Variants in FOXR1 observed in about 807,000 individuals in gnomAD.
FOXR1 encodes the protein forkhead box protein R1.
A neutral mutation model predicts 34.5 loss-of-function variants in FOXR1; 25 were observed. The ratio of observed to expected loss-of-function variants is 0.72; its 90% confidence interval spans 0.53 to 1.01. The LOEUF (loss-of-function observed/expected upper bound fraction) is 1.01, where lower values mean the gene tolerates loss of function less well. FOXR1 is among the 50% of genes least tolerant of loss of function. The pLI, the probability that FOXR1 is intolerant of heterozygous loss-of-function variation, is 0.00. For synonymous variants in FOXR1, 153 were observed against 141.6 expected (o/e 1.08, Z -0.57); for missense variants, 373 against 376.2 (o/e 0.99, Z 0.07).
Position 118,980,580 on chromosome 11 carries a change from G to C in FOXR1, c.702G>C (p.Val234=). The C allele has an allele frequency of 6.2e-7, 1 of 1,614,262 alleles. No individual in the cohort carries two copies. Among genetic ancestry groups the C allele is most frequent in the East Asian group, 2.2e-5 (1 of 44,884 alleles). Residue 234 remains valine (V), a synonymous_variant, in exon 5 of 6, where the codon GTG becomes GTC. Coordinates refer to ENST00000317011, the MANE Select transcript of FOXR1 (RefSeq NM_181721.3). ...GTTTTCGAGACAGCTTTGAGAAAGT[G>C]CCTGTCAGCATGCAGGGCGGGGCCA... The part of the protein sequence containing the change: ...NLCFRDSFEK[V]PVSMQGGAST...
intron 1 of FOXR1, 89 bp from the exon 2 acceptor site, chr11:118,978,693 C>T (rs974853517): frequency 3.6e-6 from 5 of 1,399,764 alleles, no homozygotes; most frequent in Non-Finnish European, 3.0e-6. Context: ...CCACAACCTT[C>T]TCCCAGAGAA....
chr11:118,978,217 G>GAA lies in FOXR1; in HGVS notation c.62-554_62-553dup, dbSNP rs34672422. ...TGGGCGACAGAGCGAGACTCCATCTGAAAAAAAAAAAATACAAAAATTAGT... is the reference window on the plus strand; with the variant it reads ...TGGGCGACAGAGCGAGACTCCATCTGAAAAAAAAAAAAAATACAAAAATTAGT... On this transcript the variant is annotated intron_variant, in intron 1 of 5. Transcript: ENST00000317011. Among the ~76,000 whole-genome samples, 37 of 145,658 alleles carry GAA rather than the reference G, an allele frequency of 2.5e-4. 1 individual carries two copies. Among genetic ancestry groups the GAA allele is most frequent in the Admixed American group, 5.5e-4 (8 of 14,596 alleles).
rs782323250 is a variant in FOXR1, at chr11:118,979,538, C to T, written c.481C>T (p.Arg161Trp). 6.2e-6 allele frequency: 10 copies of T among 1,613,640 alleles called. No homozygotes were observed. Among genetic ancestry groups the T allele is most frequent in the South Asian group, 1.1e-5 (1 of 90,974 alleles). ...KRAPLQSRRL[R>W]QASSQAGRLW... ...GGCCCCCCTCCAGAGTCGGAGGCTTCGGCAAGCCAGCAGCCAGGCGGGGAG... is the reference window on the plus strand; with the variant it reads ...GGCCCCCCTCCAGAGTCGGAGGCTTTGGCAAGCCAGCAGCCAGGCGGGGAG... Residue 161 changes from arginine (R) to tryptophan (W), a missense_variant, in exon 4 of 6, where the codon CGG (arginine) becomes TGG (tryptophan). Physicochemically the swap from Arg to Trp is moderately radical, Grantham distance 101. Coordinates refer to ENST00000317011, the MANE Select transcript of FOXR1 (RefSeq NM_181721.3).
chr11:118,979,159 G>T lies in FOXR1; in HGVS notation c.339G>T (p.Arg113=), dbSNP rs782112617. ...CACTGTCCCAGTCCTCCAGCAAGCG[G>T]TCTCCCCCTCGGAAGCGGTTTGCCT... ...VESLSQSSSK[R]SPPRKRFAFS... is the part of the protein sequence containing the mutation. Residue 113 remains arginine, a synonymous_variant, in exon 3 of 6, where the codon CGG becomes CGT. Coordinates refer to ENST00000317011, the MANE Select transcript of FOXR1 (RefSeq NM_181721.3). The T allele has an allele frequency of 1.3e-6, 2 of 1,560,894 alleles. No individual in the cohort carries two copies. The highest frequency in any genetic ancestry group is 4.1e-5 in the Admixed American group (2 of 48,818).
At chr11:118,972,035 A>G (rs1592024569) in intron 1 of FOXR1, 43 bp downstream of exon 1, 2 of 1,499,626 alleles carry the variant, frequency 1.3e-6, no homozygotes, top group Non-Finnish European at 1.8e-6. Flanking sequence ...GGCGTGGCGG[A>G]GGGTGGCCTA....
At chr11:118,975,651 G>A (rs1941771339) in intron 1 of FOXR1, among the ~76,000 whole-genome samples, 1 of 152,116 alleles carries the variant, frequency 6.6e-6, no homozygotes, top group African/African-American at 2.4e-5. Context: ...TTTGCATGCT[G>A]ATGAGAATGA....
At chr11:118,979,761 C>A in intron 4 of FOXR1, 93 bp downstream of exon 4, 2 of 1,185,122 alleles carry the variant, frequency 1.7e-6, no homozygotes, top group Non-Finnish European at 2.4e-6. Flanking sequence ...GGTTGCTGAC[C>A]TGGTTTCCCT....
At chr11:118,976,305 C>G (rs1941779789) in intron 1 of FOXR1, among the ~76,000 whole-genome samples, 1 of 152,246 alleles carries the variant, frequency 6.6e-6, no homozygotes, top group Non-Finnish European at 1.5e-5. Flanking sequence ...AGCCATCCTC[C>G]CACTTCAGCC....
rs1210660895 is a variant in FOXR1 at position 118,979,458 on chromosome 11, A to C, written c.401A>C (p.Glu134Ala). The change falls in exon 4 of 6, where the codon GAG becomes GCG. Residue 134 changes from glutamate to alanine, a missense_variant. Physicochemically the swap from Glu to Ala is moderately radical, Grantham distance 107. Transcript: ENST00000317011. ...PSTWELTEEE[E>A]AEDQEDSSSM... is the part of the protein sequence containing the mutation. ...CTCCTCTAGCTCACAGAAGAGGAGG[A>C]GGCTGAGGACCAGGAAGACAGCTCC... 6 of 1,608,958 alleles carry C rather than the reference A, an allele frequency of 3.7e-6. No individual in the cohort carries two copies. The highest frequency in any genetic ancestry group is 1.3e-5 in the African/African-American group (1 of 74,800).
chr11:118,979,516 C>A lies in FOXR1; in HGVS notation c.459C>A (p.Ala153=). 6.2e-7 allele frequency: 1 copy of A among 1,613,484 alleles called. No individual in the cohort carries two copies. Among genetic ancestry groups the A allele is most frequent in the Non-Finnish European group, 8.5e-7 (1 of 1,179,696 alleles). ...CTCTCCCATCCCCTCACAAAAGGGC[C>A]CCCCTCCAGAGTCGGAGGCTTCGGC... is the stretch of plus-strand genomic sequence containing the variant. The part of the protein sequence containing the change: ...SMALPSPHKR[A]PLQSRRLRQA... The change falls in exon 4 of 6, where the codon GCC becomes GCA. Residue 153 remains alanine (A), a synonymous_variant. Transcript: ENST00000317011.
chr11:118,980,317 C>T, intron 4 of FOXR1, 173 bp from the exon 5 acceptor site: 1 of 757,310 alleles, frequency 1.3e-6, no homozygotes. Context: ...AGCCACGCAC[C>T]ACGTGGATGC....
At chr11:118,976,938 C>G (rs1057060018) in intron 1 of FOXR1, among the ~76,000 whole-genome samples, 1 of 152,138 alleles carries the variant, frequency 6.6e-6, no homozygotes, top group Non-Finnish European at 1.5e-5. Context: ...TTTGTAGGAG[C>G]TCTCTATGTA....
rs374931159 is a variant in FOXR1, at chr11:118,971,883, C to T, written c.-49C>T. On this transcript the variant is annotated 5_prime_UTR_variant, in exon 1 of 6. Transcript: ENST00000317011. ...TGGACGTGAAGCTCCAACACCTCGA[C>T]TTCTGGGCCCGCCTCCATGGCCAGG... is the stretch of plus-strand genomic sequence containing the variant. The T allele has an allele frequency of 1.2e-4, 189 of 1,545,708 alleles. No individual in the cohort carries two copies. Among genetic ancestry groups the T allele is most frequent in the Non-Finnish European group, 1.6e-4 (184 of 1,142,156 alleles).
In FOXR1 at chr11:118,980,745, T is replaced by C; in HGVS notation, c.850+17T>C. On this transcript the variant is annotated intron_variant, in intron 5 of 5. Transcript: ENST00000317011. ...GCCAGCCAGGTGTGAAGACTTGTTG[T>C]GCGTGGGCCCAAGGGGAAGAGACCT... The C allele has an allele frequency of 6.2e-7, 1 of 1,602,802 alleles. No homozygotes were observed. Among genetic ancestry groups the C allele is most frequent in the South Asian group, 1.1e-5 (1 of 90,530 alleles).
At chr11:118,972,137 C>CT in intron 1 of FOXR1, 145 bp downstream of exon 1, 1 of 533,256 alleles carries the variant, frequency 1.9e-6, no homozygotes, top group South Asian at 2.3e-5. Flanking sequence ...GCGCCCCCCC[C>CT]CCCCGACGGC....
Position 118,980,609 on chromosome 11 carries a change from C to T in FOXR1, c.731C>T (p.Thr244Ile). ...VPVSMQGGASTRPRSCLWKLT... is the reference protein window; with the variant it reads ...VPVSMQGGASIRPRSCLWKLT... ...GTCAGCATGCAGGGCGGGGCCAGCA[C>T]ACGGCCTCGATCTTGCCTCTGGAAG... Residue 244 changes from threonine (T) to isoleucine (I), a missense_variant, in exon 5 of 6, where the codon ACA (threonine) becomes ATA (isoleucine). Thr to Ile is a moderately conservative substitution (Grantham distance 89, BLOSUM62 -1). Coordinates refer to ENST00000317011, the MANE Select transcript of FOXR1 (RefSeq NM_181721.3). The T allele has an allele frequency of 6.2e-7, 1 of 1,614,262 alleles. No individual in the cohort carries two copies. The highest frequency in any genetic ancestry group is 8.5e-7 in the Non-Finnish European group (1 of 1,180,056).
Position 118,979,175 on chromosome 11 carries a change from C to A in FOXR1, c.355C>A (p.Arg119=), listed in dbSNP as rs782479317. Residue 119 remains arginine, a synonymous_variant, in exon 3 of 6, where the codon CGG becomes AGG. Transcript: ENST00000317011. ...CAGCAAGCGGTCTCCCCCTCGGAAGCGGTTTGCCTTTTCCCCCAGCACCTG... is the reference window on the plus strand; with the variant it reads ...CAGCAAGCGGTCTCCCCCTCGGAAGAGGTTTGCCTTTTCCCCCAGCACCTG... ...SSSKRSPPRK[R]FAFSPSTWEL... 5.2e-6 allele frequency: 8 copies of A among 1,536,668 alleles called. No individual in the cohort carries two copies. The highest frequency in any genetic ancestry group is 1.8e-4 in the Middle Eastern group (1 of 5,496).
chr11:118,979,617 G>GA lies in FOXR1; in HGVS notation c.563dup (p.Asn188LysfsTer45), dbSNP rs1941827333. 1 of 1,612,406 alleles carries GA rather than the reference G, an allele frequency of 6.2e-7. No homozygotes were observed. ...TTCCACCTAATTGCCCTGGCATTAA[G>GA]AAACAGTTCCCCCTGTGGCCTCAAC... is the stretch of plus-strand genomic sequence containing the variant. On this transcript the variant is annotated frameshift_variant, in exon 4 of 6. Coordinates refer to ENST00000317011, the MANE Select transcript of FOXR1 (RefSeq NM_181721.3). LOFTEE classifies it high-confidence loss of function.
rs782422373 is a variant in FOXR1 at position 118,981,230 on chromosome 11, T to C, written c.873T>C (p.Asp291=). The part of the protein sequence containing the change: ...SQPDVMPFLF[D]L ...CAGATGTGATGCCCTTCCTCTTTGA[T>C]CTTTAACCCCAAGAAGCAACAGCCA... Residue 291 remains aspartate, a synonymous_variant, in exon 6 of 6, where the codon GAT becomes GAC. Coordinates refer to ENST00000317011, the MANE Select transcript of FOXR1 (RefSeq NM_181721.3). The C allele has an allele frequency of 6.2e-7, 1 of 1,614,118 alleles. No individual in the cohort carries two copies. The highest frequency in any genetic ancestry group is 8.5e-7 in the Non-Finnish European group (1 of 1,179,972).
Sources: gnomAD v4.1 joint callset for allele counts (sites outside exome capture counted in the v4.1 genomes callset) on GRCh38, gnomAD v4.1.1 for gene constraint, MANE v1.5 for transcripts, NCBI Gene and HGNC (gene_info 2026-07-23, HGNC 2026-07-21) for gene names.